Variants in NDUFAB1 observed in about 807,000 individuals in gnomAD.
The protein encoded by NDUFAB1 is NADH:ubiquinone oxidoreductase subunit AB1.
Under a neutral mutation model 16.1 loss-of-function variants are expected in NDUFAB1, and 5 were observed. The ratio of observed to expected loss-of-function variants is 0.31; its 90% confidence interval spans 0.16 to 0.65. The LOEUF is 0.65. Among genes scored for constraint, NDUFAB1 ranks in the 30% least tolerant of loss-of-function variants. NDUFAB1 has a pLI of 0.77. For missense variants in NDUFAB1, 187 were observed against 205.3 expected, an observed-to-expected ratio of 0.91 and a Z score of 0.54; for synonymous variants, 85 against 78.4, an observed-to-expected ratio of 1.08 and a Z score of -0.44.
At position 23,587,234 on chromosome 16, in the gene NDUFAB1, T is replaced by C. The variant is rs762896924; in HGVS notation, c.254A>G (p.Tyr85Cys). Residue 85 changes from tyrosine (Y) to cysteine (C), a missense_variant, in exon 2 of 5, where the codon TAC becomes TGC. This residue lies in a region of NDUFAB1 where 135 missense variants were observed against 129.4 expected (regional missense o/e 1.04). Transcript: ENST00000007516. The stretch of plus-strand genomic sequence containing the variant: ...AATCTTGTCATAGAGTTTCAATACG[T>C]AAAGAACACGGTCCTGGATGCCCTC... ...TLEGIQDRVL[Y>C]VLKLYDKIDP... 3.3e-5 allele frequency: 54 copies of C among 1,613,948 alleles called. No homozygotes were observed. Among genetic ancestry groups the C allele is most frequent in the Admixed American group, 1.0e-4 (6 of 59,996 alleles).
intron 2 of NDUFAB1, among the ~76,000 whole-genome samples, chr16:23,586,409 C>T (rs528608414): frequency 6.6e-6 from 1 of 152,198 alleles, no homozygotes; most frequent in African/African-American, 2.4e-5. Flanking sequence ...GATCTCGGCT[C>T]ACTGCACCCT....
chr16:23,582,390 T>G lies in NDUFAB1; in HGVS notation c.380-15A>C. ...AATTTCAAACCCTAAAAGAAAAATATACAACAATGTGAGAGAGTTAAAAAA... is the reference window on the plus strand; with the variant it reads ...AATTTCAAACCCTAAAAGAAAAATAGACAACAATGTGAGAGAGTTAAAAAA... On this transcript the variant is annotated splice_polypyrimidine_tract_variant and intron_variant, in intron 3 of 4. Coordinates refer to ENST00000007516, the MANE Select transcript of NDUFAB1 (RefSeq NM_005003.3). The G allele has an allele frequency of 6.5e-7, 1 of 1,544,486 alleles. No homozygotes were observed. Among genetic ancestry groups the G allele is most frequent in the Non-Finnish European group, 8.7e-7 (1 of 1,149,710 alleles).
At chr16:23,594,383 C>A (rs1368359131) in intron 1 of NDUFAB1, among the ~76,000 whole-genome samples, 4 of 151,346 alleles carry the variant, frequency 2.6e-5, no homozygotes, top group Non-Finnish European at 4.4e-5. Context: ...TTATTTAAGA[C>A]GGTCTGCCTC....
At position 23,596,291 on chromosome 16, in the gene NDUFAB1, G is replaced by A. The variant is rs762169228; in HGVS notation, c.-1C>T. On this transcript the variant is annotated 5_prime_UTR_variant, in exon 1 of 5. Coordinates refer to ENST00000007516, the MANE Select transcript of NDUFAB1 (RefSeq NM_005003.3). ...AGGCTGAAAGGACACGAGACGCCATGGCTACGCCAACCCAGGATGCACTGC... is the reference window on the plus strand; with the variant it reads ...AGGCTGAAAGGACACGAGACGCCATAGCTACGCCAACCCAGGATGCACTGC... 13 of 1,556,110 alleles carry A rather than the reference G, an allele frequency of 8.4e-6. No homozygotes were observed. The highest frequency in any genetic ancestry group is 3.5e-4 in the Middle Eastern group (2 of 5,700).
chr16:23,583,752 G>A (rs536792969), intron 3 of NDUFAB1, among the ~76,000 whole-genome samples: 1 of 151,676 alleles, frequency 6.6e-6, no homozygotes, highest in African/African-American at 2.4e-5. Flanking sequence ...GCCCCGTCAG[G>A]GAGGTGTACC....
intron 1 of NDUFAB1, among the ~76,000 whole-genome samples, chr16:23,593,320 G>C (rs747900002): frequency 1.3e-5 from 2 of 152,180 alleles, no homozygotes; most frequent in Non-Finnish European, 2.9e-5. Context: ...CCAACCAAGG[G>C]AGAACAGTGT....
At chr16:23,585,525 A>T (rs1808234887) in intron 2 of NDUFAB1, 102 bp from the exon 3 acceptor site, 1 of 760,196 alleles carries the variant, frequency 1.3e-6, no homozygotes, top group Non-Finnish European at 2.2e-6. Flanking sequence ...TATTGAATTT[A>T]TTATACTTTA....
chr16:23,590,249 G>T (rs920895555), intron 1 of NDUFAB1, among the ~76,000 whole-genome samples: 1 of 152,228 alleles, frequency 6.6e-6, no homozygotes, highest in African/African-American at 2.4e-5. Flanking sequence ...CCAATCTAGA[G>T]TGGGTGCTGC....
chr16:23,593,928 T>C (rs1966300753), intron 1 of NDUFAB1, among the ~76,000 whole-genome samples: 1 of 152,062 alleles, frequency 6.6e-6, no homozygotes, highest in African/African-American at 2.4e-5. Flanking sequence ...TCGCCCAGGC[T>C]GGAGTGCAGT....
chr16:23,594,117 G>A (rs1209896340), intron 1 of NDUFAB1, among the ~76,000 whole-genome samples: 1 of 151,820 alleles, frequency 6.6e-6, no homozygotes, highest in Non-Finnish European at 1.5e-5. Context: ...TCCTGACCTC[G>A]TGATCCGCCC....
intron 1 of NDUFAB1, among the ~76,000 whole-genome samples, chr16:23,590,496 ACTTAACACAGTAAGTG>A (rs923982787): frequency 6.6e-6 from 1 of 152,196 alleles, no homozygotes; most frequent in African/African-American, 2.4e-5. Flanking sequence ...ATTGGCTGGC[ACTTAACACAGTAAGTG>A]CTATTTAGGG....
intron 3 of NDUFAB1, among the ~76,000 whole-genome samples, chr16:23,584,179 T>C (rs1162378739): frequency 7.0e-6 from 1 of 142,932 alleles, no homozygotes; most frequent in African/African-American, 2.6e-5. Flanking sequence ...CTTGTTTACC[T>C]GCTGACCTTC....
chr16:23,595,668 G>C (rs1966318769), intron 1 of NDUFAB1: 1 of 459,438 alleles, frequency 2.2e-6, no homozygotes, highest in African/African-American at 2.0e-5. Flanking sequence ...CAGAACTGCA[G>C]AGAGAAAACC....
At chr16:23,582,504 G>A in intron 3 of NDUFAB1, 129 bp from the exon 4 acceptor site, 1 of 1,255,432 alleles carries the variant, frequency 8.0e-7, no homozygotes, top group Non-Finnish European at 1.0e-6. Flanking sequence ...TCCCATATAG[G>A]TTGTGGGCCA....
At chr16:23,585,265 CCCA>C (rs1166186231) in intron 3 of NDUFAB1, 68 bp downstream of exon 3, 1 of 1,123,036 alleles carries the variant, frequency 8.9e-7, no homozygotes, top group Non-Finnish European at 1.4e-6. Flanking sequence ...AATTCAGACG[CCCA>C]CCACTTCTTT....
rs1325710073 is a variant in NDUFAB1 at position 23,583,626 on chromosome 16, C to A, written c.380-1251G>T. Among the ~76,000 whole-genome samples the A allele has an allele frequency of 1.8e-3, 206 of 114,426 alleles. 6 individuals are homozygous for A. Among genetic ancestry groups the A allele is most frequent in the African/African-American group, 7.8e-3 (193 of 24,604 alleles). The allele number at this position is 114,426 out of a possible 152,430, so 75.1% of individuals were successfully genotyped here. Reference sequence around the variant, plus strand: ...GAGCCCCTCCGCCCGGCAGCCGCCCCGTCTGAGAAGTGAGGAGCCCCTCCG... The same window carrying A: ...GAGCCCCTCCGCCCGGCAGCCGCCCAGTCTGAGAAGTGAGGAGCCCCTCCG... On this transcript the variant is annotated intron_variant, in intron 3 of 4. Transcript: ENST00000007516.
At chr16:23,583,840 T>G (rs1966206865) in intron 3 of NDUFAB1, among the ~76,000 whole-genome samples, 1 of 152,132 alleles carries the variant, frequency 6.6e-6, no homozygotes, top group Non-Finnish European at 1.5e-5. Flanking sequence ...GGGGAAAAGA[T>G]AGAGAAATCA....
At chr16:23,587,511 G>A (rs1966244200) in intron 1 of NDUFAB1, among the ~76,000 whole-genome samples, 192 bp from the exon 2 acceptor site, 1 of 152,200 alleles carries the variant, frequency 6.6e-6, no homozygotes, top group African/African-American at 2.4e-5. Flanking sequence ...CAGTTCAGCA[G>A]CATCTCAGGC....
chr16:23,582,040 G>T, intron 4 of NDUFAB1: 1 of 343,774 alleles, frequency 2.9e-6, no homozygotes, highest in East Asian at 5.9e-5. Context: ...TTCTGCTTTT[G>T]TGAGGACAGC....
Sources: gnomAD v4.1 joint callset for allele counts (sites outside exome capture counted in the v4.1 genomes callset) on GRCh38, gnomAD v4.1.1 for gene constraint, gnomAD v4.1.1 regional missense constraint, MANE v1.5 for transcripts, NCBI Gene and HGNC (gene_info 2026-07-23, HGNC 2026-07-21) for gene names.